ZDHHC2: variants seen among roughly 807,000 people sequenced by gnomAD.
ZDHHC2 encodes the protein zDHHC palmitoyltransferase 2.
Under a neutral mutation model 55.6 loss-of-function variants are expected in ZDHHC2, and 51 were observed. The ratio of observed to expected loss-of-function variants is 0.92; its 90% CI spans 0.73 to 1.16. ZDHHC2 has a LOEUF of 1.16. ZDHHC2 is among the 50% of genes most tolerant of loss of function. The pLI, the probability that ZDHHC2 is intolerant of heterozygous loss-of-function variation, is 0.00. For missense variants in ZDHHC2, 491 were observed against 442.4 expected, an observed-to-expected ratio of 1.11 and a Z score of -0.99; for synonymous variants, 199 against 152.9, an observed-to-expected ratio of 1.30 and a Z score of -2.22.
At chr8:17,212,910 C>T (rs59674627) in intron 10 of ZDHHC2, among the ~76,000 whole-genome samples, 4 of 151,818 alleles carry the variant, frequency 2.6e-5, no homozygotes, top group East Asian at 1.9e-4. Flanking sequence ...TTGCCCAGGC[C>T]GGAGTGCAGT....
At chr8:17,199,168 A>T (rs73546449) in intron 6 of ZDHHC2, among the ~76,000 whole-genome samples, 3,233 of 152,236 alleles carry the variant, frequency 0.021, 112 homozygotes, top group African/African-American at 0.074. Flanking sequence ...AGGGTGAAAT[A>T]TATGTAGGGA....
chr8:17,182,359 C>G (rs1805471929), intron 1 of ZDHHC2, among the ~76,000 whole-genome samples: 1 of 151,952 alleles, frequency 6.6e-6, no homozygotes, highest in Non-Finnish European at 1.5e-5. Context: ...AAAAATAATG[C>G]CAAACTGCAC....
intron 6 of ZDHHC2, among the ~76,000 whole-genome samples, chr8:17,200,714 C>G (rs530442849): frequency 3.9e-5 from 6 of 152,308 alleles, no homozygotes; most frequent in African/African-American, 1.4e-4. Flanking sequence ...ATAGCCTTTA[C>G]AGTTTTCACA....
At chr8:17,166,248 G>A (rs1804593899) in intron 1 of ZDHHC2, among the ~76,000 whole-genome samples, 1 of 152,212 alleles carries the variant, frequency 6.6e-6, no homozygotes, top group African/African-American at 2.4e-5. Context: ...TGGAAATGGT[G>A]AGAGGTGGTC....
At chr8:17,212,970 C>T (rs1807459961) in intron 10 of ZDHHC2, among the ~76,000 whole-genome samples, 2 of 151,898 alleles carry the variant, frequency 1.3e-5, no homozygotes, top group African/African-American at 4.8e-5. Flanking sequence ...TCAAGCAGTC[C>T]TCTCACCTTG....
chr8:17,174,242 C>T (rs1249252974), intron 1 of ZDHHC2, among the ~76,000 whole-genome samples: 1 of 151,924 alleles, frequency 6.6e-6, no homozygotes, highest in Admixed American at 6.6e-5. Context: ...GTGCATGCCA[C>T]GATGCCCTGC....
chr8:17,193,019 C>T (rs1806113314), intron 3 of ZDHHC2, among the ~76,000 whole-genome samples: 1 of 152,142 alleles, frequency 6.6e-6, no homozygotes, highest in African/African-American at 2.4e-5. Context: ...TGTACGAATG[C>T]TAGTCTTACG....
intron 1 of ZDHHC2, among the ~76,000 whole-genome samples, chr8:17,161,948 A>G (rs1804364321): frequency 6.6e-6 from 1 of 152,246 alleles, no homozygotes; most frequent in Non-Finnish European, 1.5e-5. Flanking sequence ...ATATTGTTGA[A>G]TATTTTAAAG....
rs997242999 is a variant in ZDHHC2, at chr8:17,179,530, C to T, written c.131-5259C>T. ...CTCAATCAGTTCTCCTGCCCCCAGT[C>T]TCCCAAGTAGCTGGGACCACAGGCA... On this transcript the variant is annotated intron_variant, in intron 1 of 12. Transcript: ENST00000262096. 4.6e-4 allele frequency among the ~76,000 whole-genome samples: 70 copies of T among 152,238 alleles called. 1 individual carries two copies. Among genetic ancestry groups the T allele is most frequent in the African/African-American group, 1.5e-3 (63 of 41,526 alleles).
chr8:17,219,927 C>T (rs758905730), intron 12 of ZDHHC2, among the ~76,000 whole-genome samples: 2 of 152,166 alleles, frequency 1.3e-5, no homozygotes, highest in Non-Finnish European at 2.9e-5. Flanking sequence ...TAGAACCCTG[C>T]CACTCACATT....
chr8:17,200,537 G>T (rs118075080), intron 6 of ZDHHC2, among the ~76,000 whole-genome samples: 26 of 152,248 alleles, frequency 1.7e-4, no homozygotes, highest in African/African-American at 6.3e-4. Context: ...GGATTGTGAT[G>T]ACAAGGAATG....
At chr8:17,182,308 A>G (rs192485973) in intron 1 of ZDHHC2, among the ~76,000 whole-genome samples, 26 of 152,312 alleles carry the variant, frequency 1.7e-4, no homozygotes, top group African/African-American at 5.8e-4. Context: ...GAAAATAATC[A>G]TTCACATAGA....
intron 1 of ZDHHC2, among the ~76,000 whole-genome samples, chr8:17,176,359 T>C (rs1440318873): frequency 6.6e-6 from 1 of 152,170 alleles, no homozygotes; most frequent in African/African-American, 2.4e-5. Flanking sequence ...TGCTTCTATT[T>C]TGAAGCTACT....
intron 1 of ZDHHC2, among the ~76,000 whole-genome samples, 152 bp from the exon 2 acceptor site, chr8:17,184,637 C>G (rs1805617443): frequency 6.6e-6 from 1 of 152,224 alleles, no homozygotes; most frequent in South Asian, 2.1e-4. Context: ...ACACTGTGCT[C>G]ACCTCTCCTC....
Position 17,215,419 on chromosome 8 carries a change from A to T in ZDHHC2, c.1063+70A>T. On this transcript the variant is annotated intron_variant, in intron 11 of 12. Transcript: ENST00000262096. ...TAGAAGGTAAACGTGGTTAAAAAAA[A>T]TCCATTATACTACCTACAGATGTTT... is the stretch of plus-strand genomic sequence containing the variant. The T allele has an allele frequency of 2.5e-6, 3 of 1,217,976 alleles. No homozygotes were observed. The South Asian group carries it at 4.0e-5, about 16-fold the overall frequency. 75.4% of individuals were successfully genotyped at this position (1,217,976 alleles called of 1,614,324 possible). A position where few individuals can be genotyped will look rare whatever the true frequency, so the allele number is the denominator to read the frequency against.
chr8:17,182,022 G>C (rs1302392054), intron 1 of ZDHHC2, among the ~76,000 whole-genome samples: 3 of 152,104 alleles, frequency 2.0e-5, no homozygotes, highest in African/African-American at 7.2e-5. Context: ...GTAAATCACT[G>C]ATTTACTAAT....
chr8:17,223,573 TA>T lies in ZDHHC2; in HGVS notation c.*3353del, dbSNP rs1446478300. 3 of 151,892 alleles carry T rather than the reference TA, an allele frequency of 2.0e-5. No individual in the cohort carries two copies. Among genetic ancestry groups the T allele is most frequent in the Non-Finnish European group, 4.4e-5 (3 of 67,798 alleles). 9.4% of individuals were successfully genotyped at this position (151,892 alleles called of 1,614,324 possible). A position where few individuals can be genotyped will look rare whatever the true frequency, so the allele number is the denominator to read the frequency against. ...ATATGTGGAAGGAGACTATGTTACA[TA>T]CCTGAAGTATTACTCTTTTACAAAG... is the stretch of plus-strand genomic sequence containing the variant. On this transcript the variant is annotated 3_prime_UTR_variant, in exon 13 of 13. Transcript: ENST00000262096.
chr8:17,162,020 T>C (rs1804369732), intron 1 of ZDHHC2, among the ~76,000 whole-genome samples: 1 of 152,226 alleles, frequency 6.6e-6, no homozygotes, highest in African/African-American at 2.4e-5. Flanking sequence ...AAAATTCAAA[T>C]GTATAAAACA....
chr8:17,198,171 T>C (rs1345307943), intron 5 of ZDHHC2, among the ~76,000 whole-genome samples: 2 of 152,204 alleles, frequency 1.3e-5, no homozygotes, highest in Admixed American at 1.3e-4. Context: ...CATGTATATT[T>C]TGAATTCAAG....
Sources: allele counts gnomAD v4.1 joint callset (sites outside exome capture counted in the v4.1 genomes callset), GRCh38; gene constraint gnomAD v4.1.1; transcripts MANE v1.5; gene names NCBI Gene and HGNC (gene_info 2026-07-23, HGNC 2026-07-21).